The following BRINP1 variants were observed in gnomAD, a reference collection of about 807,000 sequenced individuals.
The protein encoded by BRINP1 is BMP/retinoic acid-inducible neural-specific protein 1.
In BRINP1, 17 loss-of-function variants were observed where a neutral mutation model predicts 72.9. The ratio of observed to expected loss-of-function variants is 0.23; its 90% CI spans 0.16 to 0.35. BRINP1 has a LOEUF of 0.35. Among genes scored for constraint, BRINP1 ranks in the 10% least tolerant of loss-of-function variants. BRINP1 has a pLI of 1.00. For synonymous variants in BRINP1, 418 were observed against 378.5 expected (o/e 1.10, Z -1.21); for missense variants, 850 against 1,001.6 (o/e 0.85, Z 2.04).
intron 7 of BRINP1, among the ~76,000 whole-genome samples, chr9:119,198,839 T>C (rs553451656): frequency 1.3e-5 from 2 of 152,072 alleles, no homozygotes; most frequent in Non-Finnish European, 2.9e-5. Context: ...GCCAGGCTGA[T>C]TTTTGTATTT....
At chr9:119,362,377 C>T (rs1831644051) in intron 1 of BRINP1, among the ~76,000 whole-genome samples, 1 of 152,168 alleles carries the variant, frequency 6.6e-6, no homozygotes, top group South Asian at 2.1e-4. Context: ...CGACATCCTC[C>T]TCACCACTAT....
At position 119,367,656 on chromosome 9, in the gene BRINP1, T is replaced by C. The variant is rs1213093238; in HGVS notation, c.-51+1400A>G. The stretch of plus-strand genomic sequence containing the variant: ...ACCCAAACTACCTTCCTGGCTGAGA[T>C]TCCTCCACCGCCCCCCTGCCCTTGG... On this transcript the variant is annotated intron_variant, in intron 1 of 7. Transcript: ENST00000265922. Among the ~76,000 whole-genome samples, 4 of 152,142 alleles carry C rather than the reference T, an allele frequency of 2.6e-5. No homozygotes were observed. In the East Asian group the frequency reaches 7.8e-4, roughly 30 times the overall value.
intron 2 of BRINP1, among the ~76,000 whole-genome samples, chr9:119,291,702 T>G (rs1025101832): frequency 6.6e-6 from 1 of 152,174 alleles, no homozygotes; most frequent in Non-Finnish European, 1.5e-5. Context: ...CAGCATCCAG[T>G]TGCAGATGGA....
intron 7 of BRINP1, among the ~76,000 whole-genome samples, chr9:119,182,795 C>G (rs537505571): frequency 6.6e-6 from 1 of 152,078 alleles, no homozygotes; most frequent in African/African-American, 2.4e-5. Context: ...TAAGATAATA[C>G]GTAAACAACT....
intron 2 of BRINP1, 36 bp from the exon 3 acceptor site, chr9:119,249,186 C>T (rs923637275): frequency 6.3e-7 from 1 of 1,582,662 alleles, no homozygotes; most frequent in Non-Finnish European, 8.6e-7. Flanking sequence ...TCTCAACTTA[C>T]CACCATTACC....
At chr9:119,264,278 G>A (rs552910407) in intron 2 of BRINP1, among the ~76,000 whole-genome samples, 2 of 152,306 alleles carry the variant, frequency 1.3e-5, no homozygotes, top group Non-Finnish European at 2.9e-5. Flanking sequence ...GTCTTAGTGG[G>A]ATTAAATAAA....
At chr9:119,264,106 T>C (rs1438807911) in intron 2 of BRINP1, among the ~76,000 whole-genome samples, 1 of 152,172 alleles carries the variant, frequency 6.6e-6, no homozygotes. Context: ...ACTTCCTGTT[T>C]CTATTTATTA....
chr9:119,256,385 G>T (rs559003256), intron 2 of BRINP1, among the ~76,000 whole-genome samples: 1 of 152,272 alleles, frequency 6.6e-6, no homozygotes, highest in East Asian at 1.9e-4. Context: ...TAAAACTTTA[G>T]GGAAAGGTGG....
intron 1 of BRINP1, among the ~76,000 whole-genome samples, chr9:119,349,985 G>C (rs977192535): frequency 1.6e-4 from 25 of 151,920 alleles, no homozygotes; most frequent in African/African-American, 6.0e-4. Flanking sequence ...CATCTTTGAA[G>C]TCTGCTTTAA....
At chr9:119,310,125 G>A (rs1396007288) in intron 2 of BRINP1, among the ~76,000 whole-genome samples, 2 of 152,156 alleles carry the variant, frequency 1.3e-5, no homozygotes, top group Non-Finnish European at 2.9e-5. Flanking sequence ...CCTTGGAGAT[G>A]ACTTCAGCTA....
In BRINP1 at chr9:119,290,800, C is replaced by A. The variant is rs529992467; in HGVS notation, c.218+22338G>T. ...TGCATTATTAATCAGACTATAGGGC[C>A]TCCATTCATAGAACAGATGCCATAT... On this transcript the variant is annotated intron_variant, in intron 2 of 7. Transcript: ENST00000265922. Among the ~76,000 whole-genome samples the A allele has an allele frequency of 2.6e-5, 4 of 152,244 alleles. No homozygotes were observed. The South Asian group carries it at 8.3e-4, about 32-fold the overall frequency.
intron 5 of BRINP1, among the ~76,000 whole-genome samples, chr9:119,215,515 A>T (rs959846197): frequency 2.0e-5 from 3 of 152,148 alleles, no homozygotes; most frequent in African/African-American, 7.2e-5. Flanking sequence ...CTGTATTCTT[A>T]TTTGGATTAT....
chr9:119,211,837 A>C (rs1487442919), intron 6 of BRINP1, among the ~76,000 whole-genome samples: 3 of 152,190 alleles, frequency 2.0e-5, no homozygotes, highest in Non-Finnish European at 4.4e-5. Context: ...AAAGTGTGAC[A>C]TAAATCATTT....
Position 119,173,257 on chromosome 9 carries a change from T to G in BRINP1, c.1146-5033A>C, listed in dbSNP as rs1313530361. On this transcript the variant is annotated intron_variant, in intron 7 of 7. Coordinates refer to ENST00000265922, the MANE Select transcript of BRINP1 (RefSeq NM_014618.3). ...CCCATTGTTTCAGCCCAAAATCTCC[T>G]TAAGCTGATAAGCAACTTCAGCAAA... Among the ~76,000 whole-genome samples the G allele has an allele frequency of 2.0e-5, 3 of 151,158 alleles. No homozygotes were observed. In the East Asian group the frequency reaches 5.8e-4, roughly 29 times the overall value.
At chr9:119,262,936 G>A (rs980834495) in intron 2 of BRINP1, among the ~76,000 whole-genome samples, 1 of 152,148 alleles carries the variant, frequency 6.6e-6, no homozygotes, top group African/African-American at 2.4e-5. Flanking sequence ...AGGACTACAG[G>A]AGAAAACTCT....
At chr9:119,208,990 C>T (rs1829890070) in intron 6 of BRINP1, 49 bp from the exon 7 acceptor site, 6 of 1,500,572 alleles carry the variant, frequency 4.0e-6, no homozygotes, top group Non-Finnish European at 5.6e-6. Context: ...TGATAACACC[C>T]ATCTAAAGTG....
chr9:119,177,552 T>G (rs1588155231), intron 7 of BRINP1, among the ~76,000 whole-genome samples: 1 of 152,170 alleles, frequency 6.6e-6, no homozygotes, highest in African/African-American at 2.4e-5. Context: ...GTACCCCATT[T>G]AGAGTTCCTC....
At position 119,368,975 on chromosome 9, in the gene BRINP1, C is replaced by G. The variant is rs1459917567; in HGVS notation, c.-51+81G>C. 2 of 389,830 alleles carry G rather than the reference C, an allele frequency of 5.1e-6. No individual in the cohort carries two copies. The highest frequency in any genetic ancestry group is 9.1e-6 in the Non-Finnish European group (2 of 220,804). 24.1% of individuals were successfully genotyped at this position (389,830 alleles called of 1,614,324 possible). A position where few individuals can be genotyped will look rare whatever the true frequency, so the allele number is the denominator to read the frequency against. On this transcript the variant is annotated intron_variant, in intron 1 of 7. Coordinates refer to ENST00000265922, the MANE Select transcript of BRINP1 (RefSeq NM_014618.3). The surrounding 1 kb of genome is among the most constrained non-coding windows in gnomAD (Gnocchi z 4.7). ...GCCGGTAGGGGGAGGGGCAGAGGAG[C>G]GCGGGGACGCCCCGAATGCGGCCCG...
chr9:119,197,658 G>A (rs1829753391), intron 7 of BRINP1, among the ~76,000 whole-genome samples: 1 of 151,576 alleles, frequency 6.6e-6, no homozygotes, highest in Non-Finnish European at 1.5e-5. Flanking sequence ...TAAATGTGGT[G>A]TGTGAAGCTG....
Sources: allele counts gnomAD v4.1 joint callset (sites outside exome capture counted in the v4.1 genomes callset), GRCh38; gene constraint gnomAD v4.1.1; non-coding constraint Gnocchi (gnomAD v3.1); transcripts MANE v1.5; gene names NCBI Gene and HGNC (gene_info 2026-07-23, HGNC 2026-07-21).